NEK11: variants seen among roughly 807,000 people sequenced by gnomAD.
NEK11 encodes serine/threonine-protein kinase Nek11.
A neutral mutation model predicts 80.7 loss-of-function variants in NEK11; 72 were observed. The observed-to-expected ratio is 0.89, with a 90% CI of 0.74 to 1.08. The LOEUF (loss-of-function observed/expected upper bound fraction) is 1.08. Ranked by LOEUF, NEK11 falls within the 50% of genes least tolerant of loss-of-function variation. The pLI is 0.00. For missense variants in NEK11, 764 were observed against 763.6 expected (o/e 1.00, Z -0.01); for synonymous variants, 251 against 260.7 (o/e 0.96, Z 0.36).
chr3:131,134,821 T>TTTTC (rs1175055878), intron 7 of NEK11, among the ~76,000 whole-genome samples: 4 of 152,218 alleles, frequency 2.6e-5, no homozygotes, highest in African/African-American at 4.8e-5. Context: ...CTAAGTGAAA[T>TTTTC]CTCACTGCAG....
chr3:131,177,399 T>A (rs1264674129), intron 14 of NEK11, among the ~76,000 whole-genome samples: 2 of 152,194 alleles, frequency 1.3e-5, no homozygotes, highest in Non-Finnish European at 2.9e-5. Context: ...ATAACACATA[T>A]GTTAACATAC....
At position 131,329,414 on chromosome 3, in the gene NEK11, T is replaced by A. The variant is rs183588463; in HGVS notation, c.1719-20143T>A. 38 of 151,968 alleles carry A rather than the reference T, an allele frequency of 2.5e-4. No homozygotes were observed. In the East Asian group the frequency reaches 7.4e-3, roughly 29 times the overall value. 9.4% of individuals were successfully genotyped at this position (151,968 alleles called of 1,614,324 possible). On this transcript the variant is annotated intron_variant, in intron 17 of 17. Coordinates refer to ENST00000383366, the MANE Select transcript of NEK11 (RefSeq NM_024800.5). The stretch of plus-strand genomic sequence containing the variant: ...TCTACTCATTCATCCAACAAATATT[T>A]ATTGACTAATTACTATGCACCAAGC...
At chr3:131,253,949 G>T (rs2095756399) in intron 16 of NEK11, among the ~76,000 whole-genome samples, 1 of 152,012 alleles carries the variant, frequency 6.6e-6, no homozygotes, top group African/African-American at 2.4e-5. Context: ...ATTGTTAAAG[G>T]GATTTATTTA....
At chr3:131,226,296 CT>C (rs2095193309) in intron 14 of NEK11, among the ~76,000 whole-genome samples, 2 of 152,166 alleles carry the variant, frequency 1.3e-5, no homozygotes, top group Admixed American at 1.3e-4. Context: ...CTGTGATTCT[CT>C]TGTCGTTCTC....
intron 17 of NEK11, among the ~76,000 whole-genome samples, chr3:131,342,652 A>AAAT (rs561252955): frequency 1.8e-4 from 27 of 152,270 alleles, no homozygotes; most frequent in African/African-American, 6.0e-4. Flanking sequence ...AGTTTAACAG[A>AAAT]AATAGGATTG....
At chr3:131,034,265 C>T (rs1036486605) in intron 3 of NEK11, among the ~76,000 whole-genome samples, 10 of 152,146 alleles carry the variant, frequency 6.6e-5, no homozygotes, top group Non-Finnish European at 1.5e-4. Context: ...CAACATTCAT[C>T]TTATCAGCAT....
intron 4 of NEK11, among the ~76,000 whole-genome samples, chr3:131,095,991 T>C (rs2077368572): frequency 6.6e-6 from 1 of 152,168 alleles, no homozygotes; most frequent in African/African-American, 2.4e-5. Context: ...GCTTTTTAAA[T>C]AGAGAGAACT....
chr3:131,320,341 A>C (rs2096884290), intron 17 of NEK11, among the ~76,000 whole-genome samples: 1 of 152,176 alleles, frequency 6.6e-6, no homozygotes, highest in Admixed American at 6.5e-5. Context: ...TCAGGAGTAA[A>C]TGTGGACAAG....
At chr3:131,341,533 T>C (rs956644728) in intron 17 of NEK11, among the ~76,000 whole-genome samples, 2 of 152,208 alleles carry the variant, frequency 1.3e-5, no homozygotes, top group East Asian at 1.9e-4. Context: ...TTATTAAGTA[T>C]GTTATTCAGA....
intron 7 of NEK11, among the ~76,000 whole-genome samples, chr3:131,140,437 A>G (rs193300473): frequency 6.6e-5 from 10 of 152,332 alleles, no homozygotes; most frequent in Admixed American, 2.6e-4. Context: ...TCAGTTGAGC[A>G]TCACCAGCAG....
chr3:131,235,041 G>A (rs16836150), intron 15 of NEK11, among the ~76,000 whole-genome samples: 2,793 of 152,234 alleles, frequency 0.018, 42 homozygotes, highest in East Asian at 0.086. Context: ...GAGCAGGAAT[G>A]CAAAGTGTCT....
In NEK11 at chr3:131,059,324, T is replaced by C. The variant is rs147387923; in HGVS notation, c.171-21099T>C. Among the ~76,000 whole-genome samples, 507 of 152,294 alleles carry C rather than the reference T, an allele frequency of 3.3e-3. 1 individual carries two copies. Among genetic ancestry groups the C allele is most frequent in the African/African-American group, 0.012 (482 of 41,556 alleles). The stretch of plus-strand genomic sequence containing the variant: ...TACATTAAGTGTGCAGGTTTTTTGG[T>C]ATATAAATTATATCTCAATAAAGTT... On this transcript the variant is annotated intron_variant, in intron 3 of 17. Coordinates refer to ENST00000383366, the MANE Select transcript of NEK11 (RefSeq NM_024800.5).
intron 14 of NEK11, among the ~76,000 whole-genome samples, chr3:131,181,251 G>C (rs2093325840): frequency 6.6e-6 from 1 of 152,178 alleles, no homozygotes. Context: ...AGTGAGACAA[G>C]GAATTGGCCC....
Position 131,132,623 on chromosome 3 carries a change from A to G in NEK11, c.456-122A>G, listed in dbSNP as rs575698142. On this transcript the variant is annotated intron_variant, in intron 5 of 17. Coordinates refer to ENST00000383366, the MANE Select transcript of NEK11 (RefSeq NM_024800.5). ...GGCTTTGTAGCTTTTAAACATTGAA[A>G]GATATATCTATGGGAGTATATATTT... is the stretch of plus-strand genomic sequence containing the variant. The G allele has an allele frequency of 4.0e-4, 219 of 552,764 alleles. 1 individual carries two copies. Among genetic ancestry groups the G allele is most frequent in the South Asian group, 3.5e-3 (151 of 42,996 alleles). 34.2% of individuals were successfully genotyped at this position (552,764 alleles called of 1,614,324 possible). A position where few individuals can be genotyped will look rare whatever the true frequency, so the allele number is the denominator to read the frequency against.
intron 17 of NEK11, among the ~76,000 whole-genome samples, chr3:131,281,710 C>T (rs2096398742): frequency 6.6e-6 from 1 of 152,172 alleles, no homozygotes; most frequent in Non-Finnish European, 1.5e-5. Flanking sequence ...TTCCCACCAG[C>T]AAAGTATGAG....
At position 131,327,133 on chromosome 3, in the gene NEK11, C is replaced by T. The variant is rs560063722; in HGVS notation, c.1719-22424C>T. The T allele has an allele frequency of 3.9e-5, 6 of 152,394 alleles. No homozygotes were observed. In the East Asian group the frequency reaches 9.6e-4, roughly 25 times the overall value. 9.4% of individuals were successfully genotyped at this position (152,394 alleles called of 1,614,324 possible). ...TCTAATATTTATAAATTACCTCTTC[C>T]ATAGTATTTAAGCAGCACAAGCAAA... is the stretch of plus-strand genomic sequence containing the variant. On this transcript the variant is annotated intron_variant, in intron 17 of 17. Transcript: ENST00000383366.
chr3:131,184,732 A>G lies in NEK11; in HGVS notation c.1399+13845A>G, dbSNP rs180926777. 3,164 of 1,250,244 alleles carry G rather than the reference A, an allele frequency of 2.5e-3. 10 individuals carry two copies. The highest frequency in any genetic ancestry group is 6.2e-3 in the Middle Eastern group (31 of 5,014). 77.4% of individuals were successfully genotyped at this position (1,250,244 alleles called of 1,614,324 possible). On this transcript the variant is annotated intron_variant, in intron 14 of 17. Transcript: ENST00000383366. The stretch of plus-strand genomic sequence containing the variant: ...TGTAATCTAATTTCACTAGACGAAT[A>G]CTGGAAAAATGAAAAATAAAGGAAT...
chr3:131,348,087 CT>C lies in NEK11; in HGVS notation c.1719-1466del, dbSNP rs534582473. The stretch of plus-strand genomic sequence containing the variant: ...TAATCAAGCACAACATATATTTACT[CT>C]TTTCTCTGTTCTTCAGAGAAAAGTG... On this transcript the variant is annotated intron_variant, in intron 17 of 17. Transcript: ENST00000383366. 6.6e-5 allele frequency among the ~76,000 whole-genome samples: 10 copies of C among 152,262 alleles called. No homozygotes were observed. The South Asian group carries it at 2.1e-3, about 32-fold the overall frequency.
intron 14 of NEK11, among the ~76,000 whole-genome samples, chr3:131,205,730 A>T (rs2150438340): frequency 6.6e-6 from 1 of 152,340 alleles, no homozygotes; most frequent in Non-Finnish European, 1.5e-5. Context: ...GGATTAAGCC[A>T]AAGTTAGGCC....
Sources: allele counts gnomAD v4.1 joint callset (sites outside exome capture counted in the v4.1 genomes callset), GRCh38; gene constraint gnomAD v4.1.1; transcripts MANE v1.5; gene names NCBI Gene and HGNC (gene_info 2026-07-23, HGNC 2026-07-21).